Variants in B3GNT2 observed in about 807,000 individuals in gnomAD.
B3GNT2 encodes the protein N-acetyllactosaminide beta-1,3-N-acetylglucosaminyltransferase 2.
A neutral mutation model predicts 27.6 loss-of-function variants in B3GNT2; 12 were observed. The ratio of observed to expected loss-of-function variants is 0.44; its 90% confidence interval spans 0.28 to 0.71. The LOEUF is 0.71. B3GNT2 is among the 30% of genes least tolerant of loss of function. The pLI is 0.17. For missense variants in B3GNT2, 413 were observed against 488.5 expected, an observed-to-expected ratio of 0.85 and a Z score of 1.46; for synonymous variants, 192 against 189.7, an observed-to-expected ratio of 1.01 and a Z score of -0.10.
At chr2:62,213,829 G>T (rs1159122544) in intron 1 of B3GNT2, among the ~76,000 whole-genome samples, 1 of 152,142 alleles carries the variant, frequency 6.6e-6, no homozygotes, top group African/African-American at 2.4e-5. Flanking sequence ...TTAGGAGAAA[G>T]GGTGTATATA....
At chr2:62,205,951 G>C (rs1674363333) in intron 1 of B3GNT2, 1 of 154,468 alleles carries the variant, frequency 6.5e-6, no homozygotes, top group South Asian at 2.0e-4. Context: ...AGGAGAAGAG[G>C]ATGAAATCGA....
intron 1 of B3GNT2, among the ~76,000 whole-genome samples, chr2:62,207,366 G>A (rs1159336313): frequency 6.6e-6 from 1 of 151,982 alleles, no homozygotes; most frequent in African/African-American, 2.4e-5. Context: ...TGTATTTTTT[G>A]CAGAGACGGG....
chr2:62,201,301 A>G (rs957539700), intron 1 of B3GNT2, among the ~76,000 whole-genome samples: 1 of 152,224 alleles, frequency 6.6e-6, no homozygotes, highest in African/African-American at 2.4e-5. Flanking sequence ...TGTCCCATTC[A>G]GAGTTGTTTG....
At chr2:62,216,623 C>A (rs145652144) in intron 1 of B3GNT2, among the ~76,000 whole-genome samples, 1 of 151,932 alleles carries the variant, frequency 6.6e-6, no homozygotes, top group African/African-American at 2.4e-5. Context: ...AGGTTGGTCT[C>A]GAACTCCTGG....
chr2:62,196,612 G>GA (rs1325111741), intron 1 of B3GNT2, among the ~76,000 whole-genome samples: 1 of 152,236 alleles, frequency 6.6e-6, no homozygotes, highest in African/African-American at 2.4e-5. Flanking sequence ...TCAGCCCAGA[G>GA]GGAGAGGAGA....
rs555116005 is a variant in B3GNT2 at position 62,219,637 on chromosome 2, C to T, written c.-9-2575C>T. On this transcript the variant is annotated intron_variant, in intron 1 of 1. Coordinates refer to ENST00000301998, the MANE Select transcript of B3GNT2 (RefSeq NM_006577.6). ...TCACCATCACACATTTCCTGTTGCC[C>T]TTCCTTCCAGACTAGGAAGGGCCTG... Among the ~76,000 whole-genome samples, 6 of 152,246 alleles carry T rather than the reference C, an allele frequency of 3.9e-5. No individual in the cohort carries two copies. The South Asian group carries it at 1.2e-3, about 32-fold the overall frequency.
chr2:62,217,288 G>A (rs1488275946), intron 1 of B3GNT2, among the ~76,000 whole-genome samples: 1 of 152,204 alleles, frequency 6.6e-6, no homozygotes, highest in African/African-American at 2.4e-5. Context: ...CTCGCACTCT[G>A]GAGCTATCAT....
In B3GNT2 at chr2:62,206,219, G is replaced by C. The variant is rs566993978; in HGVS notation, c.-10+9864G>C. 5.1e-3 allele frequency among the ~76,000 whole-genome samples: 780 copies of C among 152,252 alleles called. 2 individuals carry two copies. Among genetic ancestry groups the C allele is most frequent in the African/African-American group, 0.018 (728 of 41,526 alleles). ...AGCTTGGACGTGCTCAGCGAGGATG[G>C]GGATGCCCATTTCCCTCCATGCAGC... On this transcript the variant is annotated intron_variant, in intron 1 of 1. Coordinates refer to ENST00000301998, the MANE Select transcript of B3GNT2 (RefSeq NM_006577.6).
intron 1 of B3GNT2, among the ~76,000 whole-genome samples, chr2:62,197,194 C>T (rs932762372): frequency 3.9e-5 from 6 of 152,016 alleles, no homozygotes; most frequent in African/African-American, 1.2e-4. Flanking sequence ...CGTGGGGGGC[C>T]CTGCCGGGGC....
chr2:62,202,875 C>T (rs57643158), intron 1 of B3GNT2, among the ~76,000 whole-genome samples: 2 of 151,564 alleles, frequency 1.3e-5, no homozygotes, highest in Non-Finnish European at 2.9e-5. Context: ...CCTCCCTTCT[C>T]CCCCTCATTT....
chr2:62,216,609 G>T (rs1674579753), intron 1 of B3GNT2, among the ~76,000 whole-genome samples: 1 of 151,770 alleles, frequency 6.6e-6, no homozygotes, highest in Non-Finnish European at 1.5e-5. Context: ...TCGCTATGTT[G>T]CCCAGGTTGG....
chr2:62,219,462 G>T (rs1050464292), intron 1 of B3GNT2, among the ~76,000 whole-genome samples: 3 of 152,084 alleles, frequency 2.0e-5, no homozygotes, highest in Non-Finnish European at 4.4e-5. Context: ...TTTAGTAGAG[G>T]CAGGGTTTTG....
intron 1 of B3GNT2, among the ~76,000 whole-genome samples, chr2:62,215,345 C>G (rs1219434125): frequency 2.0e-5 from 3 of 152,134 alleles, no homozygotes; most frequent in Non-Finnish European, 2.9e-5. Flanking sequence ...GTGAGGGAGT[C>G]CAGGGAGTCC....
At chr2:62,197,374 A>G (rs1188908164) in intron 1 of B3GNT2, among the ~76,000 whole-genome samples, 1 of 152,226 alleles carries the variant, frequency 6.6e-6, no homozygotes, top group African/African-American at 2.4e-5. Flanking sequence ...GAGACTCCCC[A>G]CAAGTGTCAC....
chr2:62,197,892 G>A (rs1256917591), intron 1 of B3GNT2, among the ~76,000 whole-genome samples: 1 of 152,238 alleles, frequency 6.6e-6, no homozygotes, highest in Non-Finnish European at 1.5e-5. Context: ...TGGTTCTTTT[G>A]AGTAGAGGGT....
intron 1 of B3GNT2, among the ~76,000 whole-genome samples, chr2:62,218,636 C>T (rs185248140): frequency 1.6e-4 from 25 of 152,264 alleles, no homozygotes; most frequent in Admixed American, 1.5e-3. Context: ...AAAAGAGATC[C>T]AGAGAGTCCT....
intron 1 of B3GNT2, among the ~76,000 whole-genome samples, chr2:62,205,117 G>A (rs918091432): frequency 6.6e-6 from 1 of 152,218 alleles, no homozygotes; most frequent in Non-Finnish European, 1.5e-5. Context: ...GTGGTCCCTC[G>A]TCCCTCCACA....
At position 62,222,384 on chromosome 2, in the gene B3GNT2, C is replaced by T; in HGVS notation, c.164C>T (p.Pro55Leu). 1.2e-6 allele frequency: 2 copies of T among 1,614,136 alleles called. No homozygotes were observed. The highest frequency in any genetic ancestry group is 1.7e-6 in the Non-Finnish European group (2 of 1,180,026). Residue 55 changes from proline (P) to leucine (L), a missense_variant, in exon 2 of 2, where the codon CCC (proline) becomes CTC (leucine). Transcript: ENST00000301998. This position sits in a 1 kb window ranked among gnomAD's most constrained non-coding sequence, Gnocchi z 4.2. ...KEKFWKISTP[P>L]EAYWNREQEK... is the part of the protein sequence containing the mutation. ...AAGTTCTGGAAGATATCTACCCCTC[C>T]CGAGGCATACTGGAACCGAGAGCAA...
At chr2:62,205,356 C>T (rs1573260122) in intron 1 of B3GNT2, among the ~76,000 whole-genome samples, 2 of 152,284 alleles carry the variant, frequency 1.3e-5, no homozygotes, top group African/African-American at 2.4e-5. Context: ...AAGTCTTGGT[C>T]GAAGGCCTGA....
Sources: allele counts gnomAD v4.1 joint callset (sites outside exome capture counted in the v4.1 genomes callset), GRCh38; gene constraint gnomAD v4.1.1; non-coding constraint Gnocchi (gnomAD v3.1); transcripts MANE v1.5; gene names NCBI Gene and HGNC (gene_info 2026-07-23, HGNC 2026-07-21).